GRIK1: variants seen among roughly 807,000 people sequenced by gnomAD.
The protein encoded by GRIK1 is glutamate ionotropic receptor kainate type subunit 1, also known as glutamate receptor ionotropic, kainate 1.
A neutral mutation model predicts 105.7 loss-of-function variants in GRIK1; 69 were observed. That is an observed-to-expected ratio of 0.65 (90% CI 0.54 to 0.80). The LOEUF is 0.80. Among genes scored for constraint, GRIK1 ranks in the 30% least tolerant of loss-of-function variants. GRIK1 has a pLI of 0.00. For missense variants in GRIK1, 1,109 were observed against 1,167.3 expected (o/e 0.95, Z 0.73); for synonymous variants, 438 against 431.3 (o/e 1.02, Z -0.19).
At chr21:29,839,052 T>G (rs894157223) in intron 1 of GRIK1, among the ~76,000 whole-genome samples, 2 of 151,846 alleles carry the variant, frequency 1.3e-5, no homozygotes, top group African/African-American at 4.8e-5. Flanking sequence ...TTCTTTTCTT[T>G]TCTTTTCTTT....
intron 17 of GRIK1, 177 bp from the exon 18 acceptor site, chr21:29,537,562 G>C: frequency 1.5e-6 from 1 of 651,986 alleles, no homozygotes; most frequent in Non-Finnish European, 2.7e-6. Flanking sequence ...TTTTCTAATC[G>C]GGGAAACTGA....
chr21:29,631,050 T>C (rs996163), intron 7 of GRIK1, among the ~76,000 whole-genome samples: 39,476 of 151,962 alleles, frequency 0.26, 7,434 homozygotes, highest in African/African-American at 0.54. Context: ...TCAAGTGATC[T>C]GACCACCTCA....
At chr21:29,831,988 G>A (rs149876724) in intron 1 of GRIK1, among the ~76,000 whole-genome samples, 22 of 152,332 alleles carry the variant, frequency 1.4e-4, no homozygotes, top group African/African-American at 5.1e-4. Flanking sequence ...GGTGGGTACA[G>A]GCATTGGGTA....
intron 6 of GRIK1, among the ~76,000 whole-genome samples, chr21:29,644,633 A>G (rs993798467): frequency 6.6e-6 from 1 of 152,200 alleles, no homozygotes; most frequent in Non-Finnish European, 1.5e-5. Context: ...GTAGATGAGA[A>G]AACTAAGGCT....
chr21:29,810,531 T>C (rs986723701), intron 1 of GRIK1, among the ~76,000 whole-genome samples: 1 of 152,134 alleles, frequency 6.6e-6, no homozygotes, highest in East Asian at 1.9e-4. Flanking sequence ...GCCTGTATAG[T>C]TCCCATTTTC....
At position 29,641,069 on chromosome 21, in the gene GRIK1, A is replaced by G. The variant is rs2062500169; in HGVS notation, c.1098+1757T>C. Among the ~76,000 whole-genome samples the G allele has an allele frequency of 2.0e-5, 3 of 152,210 alleles. No homozygotes were observed. In the South Asian group the frequency reaches 6.2e-4, roughly 32 times the overall value. On this transcript the variant is annotated intron_variant, in intron 7 of 17. Transcript: ENST00000327783. Reference sequence around the variant, plus strand: ...ACTAGGTTTCTGAACTATTCTTCACAAGCATTTGCCTAATTCTTTATCCTT... The same window carrying G: ...ACTAGGTTTCTGAACTATTCTTCACGAGCATTTGCCTAATTCTTTATCCTT...
intron 1 of GRIK1, among the ~76,000 whole-genome samples, chr21:29,713,878 T>C (rs1031189815): frequency 6.6e-6 from 1 of 152,220 alleles, no homozygotes; most frequent in Non-Finnish European, 1.5e-5. Flanking sequence ...TAGCACCTCT[T>C]AATTTTTATT....
chr21:29,867,843 G>GAAAGAAAGAAAGAAA (rs1353645612), intron 1 of GRIK1, among the ~76,000 whole-genome samples: 2,424 of 121,790 alleles, frequency 0.02, 42 homozygotes, highest in African/African-American at 0.047. Context: ...AAAGAAAGAA[G>GAAAGAAAGAAAGAAA]GAAGGAAAGA....
intron 1 of GRIK1, among the ~76,000 whole-genome samples, chr21:29,855,064 G>A (rs1328581805): frequency 6.6e-6 from 1 of 152,144 alleles, no homozygotes; most frequent in Non-Finnish European, 1.5e-5. Context: ...GGCACTTTGG[G>A]CCTTTTCAAG....
chr21:29,591,077 G>T (rs2146291003), intron 10 of GRIK1, 35 bp downstream of exon 10: 1 of 1,137,928 alleles, frequency 8.8e-7, no homozygotes, highest in Non-Finnish European at 1.3e-6. Context: ...CAGGAGCCTG[G>T]ATAAGACACC....
At chr21:29,715,885 A>C (rs1324668329) in intron 1 of GRIK1, among the ~76,000 whole-genome samples, 1 of 152,078 alleles carries the variant, frequency 6.6e-6, no homozygotes, top group African/African-American at 2.4e-5. Context: ...TTACTTTACA[A>C]GATAGATGTT....
At chr21:29,876,090 A>G (rs567453001) in intron 1 of GRIK1, among the ~76,000 whole-genome samples, 69 of 147,102 alleles carry the variant, frequency 4.7e-4, no homozygotes, top group Non-Finnish European at 3.0e-4. Flanking sequence ...TTATTACACA[A>G]TCCCAAGGGG....
chr21:29,537,922 G>T (rs769376890), intron 16 of GRIK1, 38 bp from the exon 17 acceptor site: 1 of 956,982 alleles, frequency 1.0e-6, no homozygotes, highest in Non-Finnish European at 1.6e-6. Context: ...ATTTTAAATT[G>T]TACATTTTCT....
At chr21:29,911,811 G>A (rs2070826615) in intron 1 of GRIK1, among the ~76,000 whole-genome samples, 1 of 152,076 alleles carries the variant, frequency 6.6e-6, no homozygotes, top group African/African-American at 2.4e-5. Context: ...GTTTCTGCCT[G>A]AGCCTTGATC....
At chr21:29,725,007 T>TAAAAAAAAAA (rs76948130) in intron 1 of GRIK1, among the ~76,000 whole-genome samples, 1 of 112,058 alleles carries the variant, frequency 8.9e-6, no homozygotes. Flanking sequence ...CTTTGCCACC[T>TAAAAAAAAAA]AAAAAAAAAA....
At chr21:29,856,537 T>C (rs564651302) in intron 1 of GRIK1, among the ~76,000 whole-genome samples, 6 of 152,308 alleles carry the variant, frequency 3.9e-5, no homozygotes, top group Admixed American at 3.3e-4. Context: ...TTTGCTGAAC[T>C]GAAAATCGTT....
At chr21:29,904,320 G>GA (rs34579864) in intron 1 of GRIK1, among the ~76,000 whole-genome samples, 33,074 of 148,946 alleles carry the variant, frequency 0.22, 4,138 homozygotes, top group African/African-American at 0.34. Context: ...TTTTTTTTGG[G>GA]AAAAAAAAGG....
intron 1 of GRIK1, among the ~76,000 whole-genome samples, chr21:29,839,651 T>C (rs1162475275): frequency 6.6e-6 from 1 of 152,220 alleles, no homozygotes; most frequent in African/African-American, 2.4e-5. Context: ...GCAAAAATCC[T>C]ACTCTAATAT....
At position 29,588,952 on chromosome 21, in the gene GRIK1, A is replaced by G. The variant is rs754725901; in HGVS notation, c.1456T>C (p.Leu486=). ...EGYCLDLLKE[L]SNILGFIYDV... ...TAAATGAAACCCAGGATGTTTGACA[A>G]TTCTTTCAACAGGTCTAGGCAATAT... is the stretch of plus-strand genomic sequence containing the variant. Residue 486 remains leucine, a synonymous_variant, in exon 11 of 18, where the codon TTG becomes CTG. Coordinates refer to ENST00000327783, the MANE Select transcript of GRIK1 (RefSeq NM_001330994.2). The G allele has an allele frequency of 6.2e-7, 1 of 1,603,462 alleles. No homozygotes were observed. Among genetic ancestry groups the G allele is most frequent in the East Asian group, 2.2e-5 (1 of 44,814 alleles).
Sources: gnomAD v4.1 joint callset for allele counts (sites outside exome capture counted in the v4.1 genomes callset) on GRCh38, gnomAD v4.1.1 for gene constraint, MANE v1.5 for transcripts, NCBI Gene and HGNC (gene_info 2026-07-23, HGNC 2026-07-21) for gene names.